The following FAM184A variants were observed in gnomAD, a reference collection of about 807,000 sequenced individuals.
The protein encoded by FAM184A is protein FAM184A.
In FAM184A, 99 loss-of-function variants were observed where a neutral mutation model predicts 143.8. The observed-to-expected ratio is 0.69, with a 90% CI of 0.58 to 0.81. The LOEUF (loss-of-function observed/expected upper bound fraction) is 0.81, where lower values mean the gene tolerates loss of function less well. Among genes scored for constraint, FAM184A ranks in the 40% least tolerant of loss-of-function variants. The pLI is 0.00. For missense variants in FAM184A, 1,217 were observed against 1,310.5 expected (o/e 0.93, Z 1.10); for synonymous variants, 427 against 446.4 (o/e 0.96, Z 0.55).
chr6:119,027,159 T>A (rs1478740472), intron 1 of FAM184A, among the ~76,000 whole-genome samples: 1 of 152,082 alleles, frequency 6.6e-6, no homozygotes, highest in Non-Finnish European at 1.5e-5. Flanking sequence ...ACCTAAAACC[T>A]CCCTCACGCC....
At chr6:118,969,392 A>G (rs1276756762) in intron 14 of FAM184A, among the ~76,000 whole-genome samples, 1 of 152,242 alleles carries the variant, frequency 6.6e-6, no homozygotes, top group Non-Finnish European at 1.5e-5. Context: ...AAATAGAAAA[A>G]ACATAATCCA....
chr6:119,133,043 G>A lies in FAM184A; in HGVS notation c.-202+16035C>T, dbSNP rs568998402. On this transcript the variant is annotated intron_variant, in intron 1 of 16. Coordinates refer to the FAM184A transcript ENST00000352896. The stretch of plus-strand genomic sequence containing the variant: ...TCTCACTGAGTTGAAGAACTGGGCC[G>A]TAGTAAATCTTATTTGATTCTGCTT... 3.2e-4 allele frequency among the ~76,000 whole-genome samples: 49 copies of A among 152,298 alleles called. No individual in the cohort carries two copies. In the South Asian group the frequency reaches 8.9e-3, roughly 28 times the overall value.
At chr6:119,030,491 T>TA (rs1218655204) in intron 1 of FAM184A, among the ~76,000 whole-genome samples, 1 of 151,976 alleles carries the variant, frequency 6.6e-6, no homozygotes, top group Non-Finnish European at 1.5e-5. Context: ...TGACACTAGA[T>TA]AAAATCACTT....
intron 1 of FAM184A, among the ~76,000 whole-genome samples, chr6:119,117,204 G>T (rs1365104108): frequency 6.6e-6 from 1 of 152,198 alleles, no homozygotes; most frequent in East Asian, 1.9e-4. Flanking sequence ...TGTGTGTAAG[G>T]GTGAGAGAGA....
At chr6:119,092,123 T>C (rs1201065915) in intron 1 of FAM184A, among the ~76,000 whole-genome samples, 4 of 152,168 alleles carry the variant, frequency 2.6e-5, no homozygotes, top group Non-Finnish European at 5.9e-5. Context: ...CCACATGACT[T>C]TTATTTGCCT....
At chr6:119,017,495 C>T (rs952944613) in intron 4 of FAM184A, among the ~76,000 whole-genome samples, 5 of 142,748 alleles carry the variant, frequency 3.5e-5, no homozygotes, top group African/African-American at 1.1e-4. Flanking sequence ...GAGACTCCAT[C>T]TCAAAAAAAA....
At chr6:119,084,891 G>A (rs1788175486) in intron 1 of FAM184A, among the ~76,000 whole-genome samples, 1 of 152,204 alleles carries the variant, frequency 6.6e-6, no homozygotes, top group African/African-American at 2.4e-5. Context: ...CCCAAGCTGT[G>A]TCTGGAGCCC....
intron 1 of FAM184A, among the ~76,000 whole-genome samples, chr6:119,135,478 T>C (rs1042989175): frequency 1.3e-5 from 2 of 152,216 alleles, no homozygotes; most frequent in Non-Finnish European, 1.5e-5. Flanking sequence ...AAAAATGATA[T>C]GCTTCACAAT....
upstream of FAM184A, among the ~76,000 whole-genome samples, chr6:119,080,068 T>G (rs1353941246): frequency 6.6e-6 from 1 of 152,232 alleles, no homozygotes; most frequent in Non-Finnish European, 1.5e-5. Context: ...GCATGGAAGA[T>G]TCACAGTCAT....
chr6:119,079,637 T>TA (rs1788002865), upstream of FAM184A, among the ~76,000 whole-genome samples: 1 of 152,226 alleles, frequency 6.6e-6, no homozygotes, highest in Admixed American at 6.5e-5. Context: ...ACCTGTTTTT[T>TA]TAAAAATCGT....
chr6:118,989,736 G>A (rs1784310360), intron 9 of FAM184A, among the ~76,000 whole-genome samples: 1 of 151,656 alleles, frequency 6.6e-6, no homozygotes, highest in Non-Finnish European at 1.5e-5. Context: ...AATAATGAGA[G>A]ACAACTTCTC....
In FAM184A at chr6:118,961,824, T is replaced by C; in HGVS notation, c.3278A>G (p.Glu1093Gly). ...TGGAAGTGGTTTGCTGCTGTTGAAC[T>C]CAATATCGTGGACTGGAGAATTAGG... is the stretch of plus-strand genomic sequence containing the variant. Reference protein sequence around the residue: ...PIPNSPVHDIEFNSSKPLPQP... With the variant: ...PIPNSPVHDIGFNSSKPLPQP... The change falls in exon 17 of 18, where the codon GAG becomes GGG. Residue 1093 changes from glutamate to glycine, a missense_variant. By Grantham distance (98) the Glu-to-Gly change is moderately conservative. Transcript: ENST00000338891. The C allele has an allele frequency of 6.2e-7, 1 of 1,613,952 alleles. No homozygotes were observed. The highest frequency in any genetic ancestry group is 8.5e-7 in the Non-Finnish European group (1 of 1,179,884).
intron 1 of FAM184A, among the ~76,000 whole-genome samples, chr6:119,034,399 C>T (rs1786028047): frequency 6.6e-6 from 1 of 151,702 alleles, no homozygotes; most frequent in Admixed American, 6.6e-5. Context: ...TTATTATTCC[C>T]AGGAAATTTA....
intron 14 of FAM184A, among the ~76,000 whole-genome samples, chr6:118,969,879 T>C (rs917404798): frequency 4.9e-5 from 7 of 142,908 alleles, no homozygotes; most frequent in Admixed American, 3.6e-4. Context: ...CTCCCACTTA[T>C]GAGTGAGAAC....
upstream of FAM184A, among the ~76,000 whole-genome samples, chr6:119,079,393 T>TA (rs201090897): frequency 0.014 from 2,105 of 152,042 alleles, 22 homozygotes; most frequent in Middle Eastern, 0.041. Flanking sequence ...AAAGTAATGG[T>TA]AAAAAAAACA....
At chr6:119,080,099 C>T (rs1402451785), upstream of FAM184A, among the ~76,000 whole-genome samples, 1 of 152,190 alleles carries the variant, frequency 6.6e-6, no homozygotes, top group Non-Finnish European at 1.5e-5. Flanking sequence ...ATGTTCTTTA[C>T]GTTCTAAGCA....
chr6:118,978,857 T>C lies in FAM184A; in HGVS notation c.2455+508A>G, dbSNP rs527361771. On this transcript the variant is annotated intron_variant, in intron 11 of 17. Transcript: ENST00000338891. ...AACCCAAAACAAATCTTTAAATACA[T>C]ATCCAGTTTTTCTTCAAAACTCAAC... is the stretch of plus-strand genomic sequence containing the variant. Among the ~76,000 whole-genome samples the C allele has an allele frequency of 2.0e-5, 3 of 152,312 alleles. No individual in the cohort carries two copies. The South Asian group carries it at 6.2e-4, about 32-fold the overall frequency.
intron 9 of FAM184A, among the ~76,000 whole-genome samples, chr6:118,993,842 C>G (rs1172904296): frequency 6.6e-6 from 1 of 152,206 alleles, no homozygotes; most frequent in African/African-American, 2.4e-5. Flanking sequence ...GTTTTGAAAT[C>G]ACAGTATTTG....
intron 1 of FAM184A, among the ~76,000 whole-genome samples, chr6:119,053,340 C>T (rs998625859): frequency 6.6e-6 from 1 of 152,158 alleles, no homozygotes; most frequent in Non-Finnish European, 1.5e-5. Flanking sequence ...CACATACCCC[C>T]CAGACAGTGA....
Sources: allele counts gnomAD v4.1 joint callset (sites outside exome capture counted in the v4.1 genomes callset), GRCh38; gene constraint gnomAD v4.1.1; transcripts MANE v1.5; gene names NCBI Gene and HGNC (gene_info 2026-07-23, HGNC 2026-07-21).